The following GRK5 variants were observed in gnomAD, a reference collection of about 807,000 sequenced individuals.
GRK5 encodes the protein g protein-coupled receptor kinase GRK5.
Under a neutral mutation model 78.4 loss-of-function variants are expected in GRK5, and 40 were observed. The observed-to-expected ratio is 0.51, with a 90% CI of 0.40 to 0.66. The LOEUF is 0.66. Ranked by LOEUF, GRK5 falls within the 30% of genes least tolerant of loss-of-function variation. The pLI, the probability that GRK5 is intolerant of heterozygous loss-of-function variation, is 0.00. For missense variants in GRK5, 598 were observed against 759.9 expected, an observed-to-expected ratio of 0.79 and a Z score of 2.50; for synonymous variants, 289 against 296.8, an observed-to-expected ratio of 0.97 and a Z score of 0.27.
chr10:119,289,038 T>G (rs74157648), intron 1 of GRK5, among the ~76,000 whole-genome samples: 2,699 of 150,226 alleles, frequency 0.018, 85 homozygotes, highest in African/African-American at 0.063. Context: ...TAAGCAAAAC[T>G]TTTTTTTCCC....
intron 1 of GRK5, among the ~76,000 whole-genome samples, chr10:119,241,709 G>A (rs1002650076): frequency 3.9e-5 from 6 of 152,190 alleles, no homozygotes; most frequent in Admixed American, 3.9e-4. Flanking sequence ...CTGCTTGAGG[G>A]AATGGCCTGC....
At chr10:119,380,999 A>G (rs4751714) in intron 3 of GRK5, 72 bp downstream of exon 3, 921,907 of 966,516 alleles carry the variant, frequency 0.95, 440,439 homozygotes, top group East Asian at 1. Flanking sequence ...CAAAGGAAAA[A>G]ATAGATCTCA....
intron 2 of GRK5, among the ~76,000 whole-genome samples, chr10:119,340,052 G>GTT: frequency 6.6e-6 from 1 of 152,074 alleles, no homozygotes; most frequent in East Asian, 1.9e-4. Flanking sequence ...GTACTGCTTT[G>GTT]TTTTTTTTCT....
At chr10:119,324,578 C>T (rs918449464) in intron 1 of GRK5, among the ~76,000 whole-genome samples, 2 of 152,026 alleles carry the variant, frequency 1.3e-5, no homozygotes, top group African/African-American at 2.4e-5. Flanking sequence ...TGCAGTGAAC[C>T]GAGATCGTGC....
intron 2 of GRK5, among the ~76,000 whole-genome samples, chr10:119,328,972 C>A (rs1214445276): frequency 6.6e-6 from 1 of 152,202 alleles, no homozygotes. Context: ...TTCCTCAGGG[C>A]TCTTTGGGGA....
chr10:119,313,348 T>C (rs1030822663), intron 1 of GRK5, among the ~76,000 whole-genome samples: 1 of 150,540 alleles, frequency 6.6e-6, no homozygotes, highest in Non-Finnish European at 1.5e-5. Flanking sequence ...ATGGGGAGGG[T>C]GGTGGTGATG....
At position 119,354,590 on chromosome 10, in the gene GRK5, C is replaced by T. The variant is rs976904129; in HGVS notation, c.149-26225C>T. On this transcript the variant is annotated intron_variant, in intron 2 of 15. Transcript: ENST00000392870. ...CTAATTTTTGTATTTTTTGTAGAGACGGGGTTTTGCCATGTTGCCCAGATT... is the reference window on the plus strand; with the variant it reads ...CTAATTTTTGTATTTTTTGTAGAGATGGGGTTTTGCCATGTTGCCCAGATT... 6.6e-5 allele frequency among the ~76,000 whole-genome samples: 10 copies of T among 151,902 alleles called. No individual in the cohort carries two copies. The East Asian group carries it at 9.6e-4, about 15-fold the overall frequency.
At chr10:119,438,969 T>A (rs1589811066) in intron 9 of GRK5, among the ~76,000 whole-genome samples, 1 of 152,344 alleles carries the variant, frequency 6.6e-6, no homozygotes, top group East Asian at 1.9e-4. Context: ...AGCTGGGTGG[T>A]TGAGAACTGG....
chr10:119,416,680 G>A (rs968938279), intron 4 of GRK5, among the ~76,000 whole-genome samples: 4 of 151,564 alleles, frequency 2.6e-5, no homozygotes, highest in South Asian at 2.1e-4. Context: ...TGCAACCTCC[G>A]CCTCCTGGGT....
intron 3 of GRK5, among the ~76,000 whole-genome samples, chr10:119,387,429 G>A (rs1338946315): frequency 6.6e-6 from 1 of 152,202 alleles, no homozygotes; most frequent in Non-Finnish European, 1.5e-5. Flanking sequence ...GACTGCAGGG[G>A]GAGTTTGGCC....
Position 119,426,636 on chromosome 10 carries a change from A to G in GRK5, c.533+1551A>G, listed in dbSNP as rs147386891. ...AAAGCTCAGCCATTTGGCCACAGGA[A>G]GTAAACTGCTGAATGCAGTTGTTGC... On this transcript the variant is annotated intron_variant, in intron 6 of 15. Coordinates refer to ENST00000392870, the MANE Select transcript of GRK5 (RefSeq NM_005308.3). Among the ~76,000 whole-genome samples, 129 of 152,352 alleles carry G rather than the reference A, an allele frequency of 8.5e-4. 4 individuals are homozygous for G. The East Asian group carries it at 0.023, about 27-fold the overall frequency.
At chr10:119,453,005 C>T in intron 14 of GRK5, 140 bp from the exon 15 acceptor site, 1 of 851,220 alleles carries the variant, frequency 1.2e-6, no homozygotes. Context: ...TGACGGGGAG[C>T]CTCGCCCAGC....
intron 2 of GRK5, among the ~76,000 whole-genome samples, chr10:119,351,180 T>G (rs934618854): frequency 1.3e-5 from 2 of 152,204 alleles, no homozygotes; most frequent in Admixed American, 6.5e-5. Flanking sequence ...TTCCACTATG[T>G]TATTACTTAG....
At chr10:119,423,949 C>T (rs1287894483) in intron 5 of GRK5, among the ~76,000 whole-genome samples, 3 of 152,190 alleles carry the variant, frequency 2.0e-5, no homozygotes, top group African/African-American at 7.2e-5. Context: ...GTACCTGGCA[C>T]TGTGCTGGGT....
chr10:119,408,340 T>TC (rs1852278551), intron 4 of GRK5, among the ~76,000 whole-genome samples: 1 of 2,840 alleles, frequency 3.5e-4, no homozygotes, highest in African/African-American at 8.9e-4. Flanking sequence ...AAACCCTGTC[T>TC]CAAAAAAAAA....
At chr10:119,398,759 G>A (rs1483045421) in intron 4 of GRK5, among the ~76,000 whole-genome samples, 4 of 152,224 alleles carry the variant, frequency 2.6e-5, no homozygotes, top group Admixed American at 6.5e-5. Flanking sequence ...AGTGAGTGGC[G>A]GAGCTAGAAT....
chr10:119,458,513 G>A lies in GRK5; in HGVS notation c.*3446G>A, dbSNP rs1220865097. 1 of 152,318 alleles carries A rather than the reference G, an allele frequency of 6.6e-6. No homozygotes were observed. The highest frequency in any genetic ancestry group is 1.9e-4 in the East Asian group (1 of 5,188). 9.4% of individuals were successfully genotyped at this position (152,318 alleles called of 1,614,324 possible). On this transcript the variant is annotated 3_prime_UTR_variant, in exon 16 of 16. Transcript: ENST00000392870. ...GCTTCCTGAAAGGCATTGCTCGGAGGGGCGGGGGCGGGGAGGCCTAGCCTG... is the reference window on the plus strand; with the variant it reads ...GCTTCCTGAAAGGCATTGCTCGGAGAGGCGGGGGCGGGGAGGCCTAGCCTG...
At position 119,272,255 on chromosome 10, in the gene GRK5, TTACTCAGAGCTTTTCTCATGTGTAAAG is replaced by T. The variant is rs1374044778; in HGVS notation, c.53-54260_53-54234del. Among the ~76,000 whole-genome samples, 4 of 152,336 alleles carry T rather than the reference TTACTCAGAGCTTTTCTCATGTGTAAAG, an allele frequency of 2.6e-5. No individual in the cohort carries two copies. In the East Asian group the frequency reaches 7.7e-4, roughly 29 times the overall value. ...TGTGTGAGCTTGGATGTGTTACTTG[TTACTCAGAGCTTTTCTCATGTGTAAAG>T]CTGAGTGCATGAGGCCGGGCGTGGT... On this transcript the variant is annotated intron_variant, in intron 1 of 15. Transcript: ENST00000392870.
At chr10:119,374,637 C>A (rs1387966606) in intron 2 of GRK5, among the ~76,000 whole-genome samples, 3 of 152,202 alleles carry the variant, frequency 2.0e-5, no homozygotes, top group African/African-American at 4.8e-5. Flanking sequence ...TGTGGATTTT[C>A]AGCCAGTTAC....
Sources: allele counts gnomAD v4.1 joint callset (sites outside exome capture counted in the v4.1 genomes callset), GRCh38; gene constraint gnomAD v4.1.1; transcripts MANE v1.5; gene names NCBI Gene and HGNC (gene_info 2026-07-23, HGNC 2026-07-21).